Variants in SSH2 observed in about 807,000 individuals in gnomAD.
SSH2 encodes protein phosphatase Slingshot homolog 2.
Under a neutral mutation model 135.2 loss-of-function variants are expected in SSH2, and 37 were observed. That is an observed-to-expected ratio of 0.27 (90% confidence interval 0.21 to 0.36). The LOEUF is 0.36. Ranked by LOEUF, SSH2 falls within the 10% of genes least tolerant of loss-of-function variation. The pLI is 1.00. For missense variants in SSH2, 1,408 were observed against 1,765.3 expected, an observed-to-expected ratio of 0.80 and a Z score of 3.63; for synonymous variants, 628 against 646.2, an observed-to-expected ratio of 0.97 and a Z score of 0.43.
At chr17:29,853,319 T>C in intron 1 of SSH2, among the ~76,000 whole-genome samples, 1 of 151,562 alleles carries the variant, frequency 6.6e-6, no homozygotes, top group East Asian at 1.9e-4. Flanking sequence ...TCTCCTGACC[T>C]TGTGATCTGC....
intron 14 of SSH2, among the ~76,000 whole-genome samples, chr17:29,641,199 C>A (rs1377255545): frequency 6.6e-6 from 1 of 152,218 alleles, no homozygotes; most frequent in East Asian, 1.9e-4. Flanking sequence ...ATATGAGCCA[C>A]CACGCCTGGC....
rs115917865 is a variant in SSH2 at position 29,759,589 on chromosome 17, C to A, written c.188+34305G>T. 6.1e-3 allele frequency among the ~76,000 whole-genome samples: 926 copies of A among 152,286 alleles called. 12 individuals are homozygous for A. The highest frequency in any genetic ancestry group is 0.021 in the African/African-American group (876 of 41,542). On this transcript the variant is annotated intron_variant, in intron 3 of 15. Coordinates refer to ENST00000540801, the MANE Select transcript of SSH2 (RefSeq NM_001282129.2). ...AAATTTCCTACCCCTTCTCCTTCAACCCCTAGCAACTACCATTCTACTTTA... is the reference window on the plus strand; with the variant it reads ...AAATTTCCTACCCCTTCTCCTTCAAACCCTAGCAACTACCATTCTACTTTA...
chr17:29,636,536 T>A lies in SSH2; in HGVS notation c.1694A>T (p.His565Leu), dbSNP rs2035922265. Reference protein sequence around the residue: ...ICLEFTSREFHAGQIEDELNL... With the variant: ...ICLEFTSREFLAGQIEDELNL... ...TAATTCATCCTCAATCTGTCCAGCATGAAATTCCCTAGAAGTAAACTCCAA... is the reference window on the plus strand; with the variant it reads ...TAATTCATCCTCAATCTGTCCAGCAAGAAATTCCCTAGAAGTAAACTCCAA... The change falls in exon 15 of 16, where the codon CAT becomes CTT. Residue 565 changes from histidine (H) to leucine (L), a missense_variant. Coordinates refer to ENST00000540801, the MANE Select transcript of SSH2 (RefSeq NM_001282129.2). The A allele has an allele frequency of 3.7e-6, 6 of 1,614,210 alleles. No homozygotes were observed. In the South Asian group the frequency reaches 5.5e-5, roughly 15 times the overall value.
At chr17:29,691,647 C>T (rs1325255698) in intron 5 of SSH2, among the ~76,000 whole-genome samples, 3 of 151,772 alleles carry the variant, frequency 2.0e-5, no homozygotes, top group African/African-American at 4.8e-5. Context: ...CCTGCCACCA[C>T]GCCCGGCTAA....
At chr17:29,697,458 G>A (rs1448550638) in intron 4 of SSH2, among the ~76,000 whole-genome samples, 2 of 152,234 alleles carry the variant, frequency 1.3e-5, no homozygotes, top group South Asian at 2.1e-4. Flanking sequence ...GGGTTGGTGC[G>A]TTTGTCTAAA....
chr17:29,833,557 T>C (rs1051919829), intron 2 of SSH2, among the ~76,000 whole-genome samples: 1 of 152,228 alleles, frequency 6.6e-6, no homozygotes, highest in African/African-American at 2.4e-5. Context: ...GTCTTTTGAT[T>C]GCAGAGTTTA....
chr17:29,760,968 T>A, intron 3 of SSH2: 1 of 466,748 alleles, frequency 2.1e-6, no homozygotes, highest in Non-Finnish European at 3.5e-6. Flanking sequence ...TCCGCCTCCA[T>A]GAATCCCCCC....
At chr17:29,654,386 C>T (rs1162844115) in intron 12 of SSH2, among the ~76,000 whole-genome samples, 2 of 151,036 alleles carry the variant, frequency 1.3e-5, no homozygotes, top group Non-Finnish European at 3.0e-5. Flanking sequence ...AATCATTTGG[C>T]TTAAGTCCTG....
chr17:29,928,837 A>G (rs2067119351), intron 1 of SSH2, among the ~76,000 whole-genome samples: 1 of 152,126 alleles, frequency 6.6e-6, no homozygotes, highest in South Asian at 2.1e-4. Flanking sequence ...AAAGTGGTAC[A>G]GTGTTTATTA....
chr17:29,925,073 G>A (rs1365896744), intron 1 of SSH2: 1 of 152,384 alleles, frequency 6.6e-6, no homozygotes, highest in Non-Finnish European at 1.5e-5. Flanking sequence ...ACACCCACAA[G>A]TTTTGTCACT....
At chr17:29,910,971 T>G (rs1345525742) in intron 1 of SSH2, among the ~76,000 whole-genome samples, 1 of 152,216 alleles carries the variant, frequency 6.6e-6, no homozygotes, top group Non-Finnish European at 1.5e-5. Context: ...CATTATTCCC[T>G]TGGCCATATT....
intron 3 of SSH2, among the ~76,000 whole-genome samples, chr17:29,736,230 T>C (rs1398409891): frequency 1.4e-5 from 2 of 141,272 alleles, no homozygotes; most frequent in African/African-American, 5.2e-5. Flanking sequence ...GATTTTGAAA[T>C]TCATTAACAT....
At chr17:29,897,712 A>C (rs2066470729) in intron 1 of SSH2, among the ~76,000 whole-genome samples, 1 of 152,202 alleles carries the variant, frequency 6.6e-6, no homozygotes, top group African/African-American at 2.4e-5. Context: ...AACATTAGAC[A>C]GATCAATGAG....
At chr17:29,737,155 C>T (rs972328327) in intron 3 of SSH2, among the ~76,000 whole-genome samples, 1 of 148,836 alleles carries the variant, frequency 6.7e-6, no homozygotes, top group African/African-American at 2.5e-5. Context: ...TAACAATCCT[C>T]ATCTATTTTC....
chr17:29,761,144 A>T, intron 3 of SSH2: 3 of 1,288,656 alleles, frequency 2.3e-6, no homozygotes, highest in African/African-American at 1.5e-5. Flanking sequence ...CGCGCGGCGG[A>T]CTCACAGCTG....
intron 8 of SSH2, among the ~76,000 whole-genome samples, chr17:29,673,464 G>A (rs2037577194): frequency 6.6e-6 from 1 of 152,076 alleles, no homozygotes; most frequent in Admixed American, 6.6e-5. Flanking sequence ...TAGGTACTCG[G>A]GAGGCTGAGG....
At chr17:29,786,029 C>T (rs376678438) in intron 3 of SSH2, among the ~76,000 whole-genome samples, 3 of 152,074 alleles carry the variant, frequency 2.0e-5, no homozygotes, top group East Asian at 1.9e-4. Context: ...TGGTCTTGAT[C>T]TCCTGACCTG....
intron 1 of SSH2, among the ~76,000 whole-genome samples, chr17:29,886,740 C>T (rs1015827231): frequency 2.1e-5 from 3 of 145,028 alleles, no homozygotes; most frequent in Admixed American, 6.9e-5. Flanking sequence ...GAGAAAGACT[C>T]CATCTCAAAA....
chr17:29,920,461 AAACT>A (rs561203241), intron 1 of SSH2, among the ~76,000 whole-genome samples: 7 of 152,220 alleles, frequency 4.6e-5, no homozygotes, highest in Non-Finnish European at 8.8e-5. Context: ...AATATATGCT[AAACT>A]AACTAAATTC....
Sources: allele counts gnomAD v4.1 joint callset (sites outside exome capture counted in the v4.1 genomes callset), GRCh38; gene constraint gnomAD v4.1.1; transcripts MANE v1.5; gene names NCBI Gene and HGNC (gene_info 2026-07-23, HGNC 2026-07-21).